Variants in PSAT1 observed in about 807,000 individuals in gnomAD.
PSAT1 encodes the protein phosphoserine aminotransferase.
PSAT1 carries 41 observed loss-of-function variants against 40.3 expected under a neutral mutation model. The observed-to-expected ratio is 1.02, with a 90% confidence interval of 0.79 to 1.32. The LOEUF is 1.32. PSAT1 is among the 40% of genes most tolerant of loss of function. The pLI is 0.00. For missense variants in PSAT1, 406 were observed against 455.8 expected, an observed-to-expected ratio of 0.89 and a Z score of 0.99; for synonymous variants, 147 against 170.5, an observed-to-expected ratio of 0.86 and a Z score of 1.07.
intron 7 of PSAT1, among the ~76,000 whole-genome samples, chr9:78,324,910 C>T (rs952760603): frequency 6.6e-6 from 1 of 152,142 alleles, no homozygotes; most frequent in South Asian, 2.1e-4. Flanking sequence ...TGAAGCTCCT[C>T]GGTGCCGGCA....
rs557419565 is a variant in PSAT1 at position 78,304,460 on chromosome 9, T to A, written c.192-275T>A. ...CGACTGAGAGTGGCAGAGGGGTAAT[T>A]TCCTAAAGGAACATCAGGCTGTTGT... is the stretch of plus-strand genomic sequence containing the variant. On this transcript the variant is annotated intron_variant, in intron 3 of 8. Transcript: ENST00000376588. 1.1e-4 allele frequency among the ~76,000 whole-genome samples: 17 copies of A among 152,306 alleles called. 1 individual carries two copies. In the South Asian group the frequency reaches 3.5e-3, roughly 32 times the overall value.
Position 78,317,645 on chromosome 9 carries a change from T to A in PSAT1, c.741-31T>A, listed in dbSNP as rs1301894715. On this transcript the variant is annotated intron_variant, in intron 6 of 8. Transcript: ENST00000376588. ...TAGTTCTACTTTTGCAAAGATGAGC[T>A]AAACGGATTTTTTAAAAATCTTCAT... The A allele has an allele frequency of 3.7e-6, 6 of 1,611,086 alleles. No individual in the cohort carries two copies. The African/African-American group carries it at 8.0e-5, about 22-fold the overall frequency.
At chr9:78,309,257 A>G (rs1229138521) in intron 6 of PSAT1, among the ~76,000 whole-genome samples, 1 of 152,240 alleles carries the variant, frequency 6.6e-6, no homozygotes. Context: ...GCTTTGGAGA[A>G]GAACTTTCAA....
intron 7 of PSAT1, among the ~76,000 whole-genome samples, chr9:78,326,956 T>TATATATATATATATATA (rs1491277712): frequency 2.4e-4 from 14 of 59,168 alleles, no homozygotes; most frequent in African/African-American, 5.7e-4. Context: ...TATATATATA[T>TATATATATATATATATA]TTTTTTTTTT....
intron 6 of PSAT1, among the ~76,000 whole-genome samples, chr9:78,310,170 T>A (rs1415782805): frequency 6.6e-6 from 1 of 152,174 alleles, no homozygotes; most frequent in Non-Finnish European, 1.5e-5. Context: ...TGATGCTTTA[T>A]GTGTATGACC....
chr9:78,317,189 C>T (rs1419845818), intron 6 of PSAT1, among the ~76,000 whole-genome samples: 1 of 152,182 alleles, frequency 6.6e-6, no homozygotes, highest in African/African-American at 2.4e-5. Context: ...ATTGGGTTGA[C>T]CCTAGTCCTT....
chr9:78,299,806 C>T (rs375484398), intron 1 of PSAT1, among the ~76,000 whole-genome samples: 37 of 152,142 alleles, frequency 2.4e-4, no homozygotes, highest in African/African-American at 6.7e-4. Context: ...CCACCACGCC[C>T]GGCCTTGTCT....
chr9:78,307,996 G>A (rs868185479), intron 5 of PSAT1, among the ~76,000 whole-genome samples: 13 of 152,122 alleles, frequency 8.5e-5, no homozygotes, highest in Middle Eastern at 6.8e-3. Flanking sequence ...CCGAGATTGC[G>A]CCACTGCACT....
intron 1 of PSAT1, among the ~76,000 whole-genome samples, chr9:78,298,708 C>T (rs1828062550): frequency 6.6e-6 from 1 of 152,024 alleles, no homozygotes; most frequent in African/African-American, 2.4e-5. Flanking sequence ...TGCCCTTGGA[C>T]TGCATGTAAC....
chr9:78,307,482 G>C (rs1297798784), intron 5 of PSAT1, among the ~76,000 whole-genome samples: 2 of 152,204 alleles, frequency 1.3e-5, no homozygotes, highest in African/African-American at 4.8e-5. Context: ...ATTATCACCA[G>C]GCACTGGCAA....
rs894334384 is a variant in PSAT1, at chr9:78,329,256, G to T, written c.*170G>T. ...AAAACATCCACAACTCTGTAAAGCT[G>T]GTGGGACCTAATGTCACCTTAATTC... On this transcript the variant is annotated 3_prime_UTR_variant, in exon 9 of 9. Transcript: ENST00000376588. 1.6e-5 allele frequency: 10 copies of T among 632,276 alleles called. No homozygotes were observed. The highest frequency in any genetic ancestry group is 2.8e-5 in the Non-Finnish European group (10 of 352,476). The allele number at this position is 632,276 out of a possible 1,614,324, so 39.2% of individuals were successfully genotyped here.
intron 6 of PSAT1, among the ~76,000 whole-genome samples, chr9:78,315,921 G>A (rs1253995156): frequency 6.6e-6 from 1 of 152,046 alleles, no homozygotes; most frequent in East Asian, 1.9e-4. Context: ...TTGACTCCCA[G>A]TAAATTTTTG....
intron 1 of PSAT1, among the ~76,000 whole-genome samples, chr9:78,299,897 C>T (rs958261292): frequency 1.3e-5 from 2 of 152,074 alleles, no homozygotes; most frequent in African/African-American, 4.8e-5. Flanking sequence ...ATGATGCCCT[C>T]CTTAGCAAGC....
At chr9:78,312,442 T>C (rs1222370149) in intron 6 of PSAT1, among the ~76,000 whole-genome samples, 1 of 152,118 alleles carries the variant, frequency 6.6e-6, no homozygotes, top group Non-Finnish European at 1.5e-5. Flanking sequence ...ATGTCTGTAA[T>C]CCCAGCACTT....
At position 78,326,955 on chromosome 9, in the gene PSAT1, A is replaced by ATATATTTTTTTTT; in HGVS notation, c.870-1095_870-1094insATATTTTTTTTTT. Reference sequence around the variant, plus strand: ...CAGCAATATATATATATATATATATATTTTTTTTTTTTTTTTTTGAGACAG... The same window carrying ATATATTTTTTTTT: ...CAGCAATATATATATATATATATATATATATTTTTTTTTTTTTTTTTTTTTTTTTTTGAGACAG... On this transcript the variant is annotated intron_variant, in intron 7 of 8. Transcript: ENST00000376588. Among the ~76,000 whole-genome samples the ATATATTTTTTTTT allele has an allele frequency of 1.9e-3, 148 of 75,900 alleles. 1 individual carries two copies. The highest frequency in any genetic ancestry group is 6.3e-3 in the African/African-American group (66 of 10,526). 49.8% of individuals were successfully genotyped at this position (75,900 alleles called of 152,430 possible). A position where few individuals can be genotyped will look rare whatever the true frequency, so the allele number is the denominator to read the frequency against.
intron 6 of PSAT1, among the ~76,000 whole-genome samples, chr9:78,312,352 T>C (rs1403918579): frequency 6.6e-6 from 1 of 152,140 alleles, no homozygotes; most frequent in Non-Finnish European, 1.5e-5. Flanking sequence ...GTGAAGTAAC[T>C]AATAAAAATA....
chr9:78,326,749 G>A (rs1047554762), intron 7 of PSAT1, among the ~76,000 whole-genome samples: 3 of 151,308 alleles, frequency 2.0e-5, no homozygotes, highest in African/African-American at 7.3e-5. Context: ...CAGCAGGTTG[G>A]GCTGAGCTCA....
intron 7 of PSAT1, among the ~76,000 whole-genome samples, chr9:78,319,490 T>A (rs919156970): frequency 1.3e-5 from 2 of 152,198 alleles, no homozygotes; most frequent in Admixed American, 1.3e-4. Flanking sequence ...GAGAAGCAAG[T>A]GCAGGCTGGG....
chr9:78,311,897 C>A (rs1205756944), intron 6 of PSAT1, among the ~76,000 whole-genome samples: 2 of 152,050 alleles, frequency 1.3e-5, no homozygotes, highest in Non-Finnish European at 2.9e-5. Context: ...TCATTGCTCA[C>A]CCAATGAGAA....
Sources: gnomAD v4.1 joint callset for allele counts (sites outside exome capture counted in the v4.1 genomes callset) on GRCh38, gnomAD v4.1.1 for gene constraint, MANE v1.5 for transcripts, NCBI Gene and HGNC (gene_info 2026-07-23, HGNC 2026-07-21) for gene names.